Variants in CPNE4 observed in about 807,000 individuals in gnomAD.
The protein encoded by CPNE4 is copine 4.
CPNE4 carries 25 observed loss-of-function variants against 67.9 expected under a neutral mutation model. The ratio of observed to expected loss-of-function variants is 0.37; its 90% confidence interval spans 0.27 to 0.51. The LOEUF is 0.51. Among genes scored for constraint, CPNE4 ranks in the 20% least tolerant of loss-of-function variants. CPNE4 has a pLI of 0.93. For missense variants in CPNE4, 464 were observed against 690.8 expected, an observed-to-expected ratio of 0.67 and a Z score of 3.68; for synonymous variants, 242 against 244.9, an observed-to-expected ratio of 0.99 and a Z score of 0.11.
intron 1 of CPNE4, among the ~76,000 whole-genome samples, chr3:131,955,700 C>A (rs1162283769): frequency 6.6e-6 from 1 of 152,084 alleles, no homozygotes; most frequent in Non-Finnish European, 1.5e-5. Context: ...TTTCCTCTTA[C>A]AAACCTTTTA....
chr3:131,868,257 A>C (rs764555745), intron 2 of CPNE4, among the ~76,000 whole-genome samples: 3 of 152,176 alleles, frequency 2.0e-5, no homozygotes, highest in Non-Finnish European at 2.9e-5. Flanking sequence ...CCCCTACCAC[A>C]GTTAGGCGTG....
intron 1 of CPNE4, among the ~76,000 whole-genome samples, chr3:131,970,550 A>T (rs940117957): frequency 4.6e-5 from 7 of 152,174 alleles, no homozygotes; most frequent in Non-Finnish European, 8.8e-5. Context: ...CATATAATTT[A>T]TATAGTTTTT....
chr3:131,800,299 G>A (rs1243120184), intron 2 of CPNE4, among the ~76,000 whole-genome samples: 2 of 152,084 alleles, frequency 1.3e-5, no homozygotes, highest in African/African-American at 4.8e-5. Context: ...CTGAGATTGT[G>A]TTGCAGTTCT....
At chr3:131,882,242 T>C (rs1345444773) in intron 2 of CPNE4, among the ~76,000 whole-genome samples, 1 of 152,122 alleles carries the variant, frequency 6.6e-6, no homozygotes, top group Non-Finnish European at 1.5e-5. Flanking sequence ...GTATTTTATA[T>C]GTGTCATATT....
Position 131,937,520 on chromosome 3 carries a change from G to A in CPNE4, c.-1-32076C>T, listed in dbSNP as rs568500388. Among the ~76,000 whole-genome samples, 6 of 152,236 alleles carry A rather than the reference G, an allele frequency of 3.9e-5. 1 individual carries two copies. The highest frequency in any genetic ancestry group is 7.2e-5 in the African/African-American group (3 of 41,556). ...GGAGTCTTTCTTGAGAAAAATACTA[G>A]AGGACAATTATGAGATGACTGAGGA... On this transcript the variant is annotated intron_variant, in intron 1 of 15. Coordinates refer to ENST00000429747, the MANE Select transcript of CPNE4 (RefSeq NM_130808.3).
chr3:131,545,839 G>C (rs140393013), intron 14 of CPNE4, among the ~76,000 whole-genome samples: 1 of 152,278 alleles, frequency 6.6e-6, no homozygotes, highest in Non-Finnish European at 1.5e-5. Flanking sequence ...CTAGGTGGGC[G>C]GATCATGAGG....
intron 7 of CPNE4, among the ~76,000 whole-genome samples, chr3:131,598,446 T>G (rs1399031726): frequency 1.3e-5 from 2 of 152,250 alleles, no homozygotes; most frequent in Non-Finnish European, 2.9e-5. Context: ...CTTTGTTTTC[T>G]TTTGTTAGGT....
At chr3:131,982,812 T>C (rs750815443) in intron 1 of CPNE4, among the ~76,000 whole-genome samples, 7 of 152,074 alleles carry the variant, frequency 4.6e-5, no homozygotes, top group Admixed American at 6.6e-5. Context: ...AATTGGCTTA[T>C]AATAAGGAAA....
intron 7 of CPNE4, among the ~76,000 whole-genome samples, chr3:131,668,709 GACA>G (rs1218671899): frequency 1.3e-5 from 2 of 152,088 alleles, no homozygotes; most frequent in Non-Finnish European, 2.9e-5. Context: ...CCGGGCCATT[GACA>G]ACAAGGAACG....
At position 131,715,513 on chromosome 3, in the gene CPNE4, T is replaced by C. The variant is rs1353963144; in HGVS notation, c.360+7933A>G. On this transcript the variant is annotated intron_variant, in intron 3 of 15. Coordinates refer to ENST00000429747, the MANE Select transcript of CPNE4 (RefSeq NM_130808.3). ...AGATCGACAACTTGCTGTGTGACCT[T>C]GGATAACTTACTGAGCTTTACTCAG... Among the ~76,000 whole-genome samples, 4 of 152,206 alleles carry C rather than the reference T, an allele frequency of 2.6e-5. 1 individual carries two copies. Among genetic ancestry groups the C allele is most frequent in the Non-Finnish European group, 5.9e-5 (4 of 68,026 alleles).
chr3:131,590,634 C>G (rs546350858), intron 7 of CPNE4, among the ~76,000 whole-genome samples: 2 of 151,962 alleles, frequency 1.3e-5, no homozygotes, highest in Non-Finnish European at 2.9e-5. Context: ...GAAGTATTTT[C>G]CAATAAACCT....
intron 7 of CPNE4, among the ~76,000 whole-genome samples, chr3:131,668,464 T>G (rs1323649935): frequency 6.6e-6 from 1 of 152,176 alleles, no homozygotes; most frequent in Non-Finnish European, 1.5e-5. Flanking sequence ...CTCCTGGTTT[T>G]CAGAGTCTGA....
At chr3:131,715,218 T>C (rs2081653846) in intron 3 of CPNE4, among the ~76,000 whole-genome samples, 1 of 152,210 alleles carries the variant, frequency 6.6e-6, no homozygotes, top group Non-Finnish European at 1.5e-5. Flanking sequence ...ACTGCCATTT[T>C]TTAAGAAGCC....
At chr3:132,020,335 T>C (rs1322157917) in intron 1 of CPNE4, among the ~76,000 whole-genome samples, 1 of 152,208 alleles carries the variant, frequency 6.6e-6, no homozygotes, top group Non-Finnish European at 1.5e-5. Flanking sequence ...CCTGGGATTC[T>C]GATGTGGAGG....
chr3:131,547,455 C>CAAAAAAAAAAAAAAAAAAA lies in CPNE4; in HGVS notation c.1302+2473_1302+2491dup, dbSNP rs56412825. On this transcript the variant is annotated intron_variant, in intron 14 of 15. Coordinates refer to ENST00000429747, the MANE Select transcript of CPNE4 (RefSeq NM_130808.3). ...TGGGTGATAGACCAAGACCCTGTCG[C>CAAAAAAAAAAAAAAAAAAA]AAAAAAAAAAAAAAAAAAAAAAAAA... is the stretch of plus-strand genomic sequence containing the variant. Among the ~76,000 whole-genome samples the CAAAAAAAAAAAAAAAAAAA allele has an allele frequency of 4.4e-4, 16 of 36,524 alleles. 8 individuals carry two copies. The highest frequency in any genetic ancestry group is 8.6e-4 in the African/African-American group (10 of 11,662). 24.0% of individuals were successfully genotyped at this position (36,524 alleles called of 152,430 possible). A position where few individuals can be genotyped will look rare whatever the true frequency, so the allele number is the denominator to read the frequency against.
intron 2 of CPNE4, among the ~76,000 whole-genome samples, chr3:131,768,468 A>C (rs968924544): frequency 6.6e-6 from 1 of 152,132 alleles, no homozygotes; most frequent in Non-Finnish European, 1.5e-5. Flanking sequence ...CTTTCCATCC[A>C]GTGCTGTTTT....
intron 2 of CPNE4, among the ~76,000 whole-genome samples, chr3:131,811,388 A>T (rs2084521488): frequency 6.6e-6 from 1 of 152,112 alleles, no homozygotes; most frequent in South Asian, 2.1e-4. Flanking sequence ...TAAAAAATAT[A>T]TATATATAAA....
intron 8 of CPNE4, 57 bp downstream of exon 8, chr3:131,587,427 G>T: frequency 1.8e-6 from 2 of 1,081,264 alleles, no homozygotes; most frequent in Non-Finnish European, 2.9e-6. Flanking sequence ...TGGTAGCTGT[G>T]TTCTAAGGAT....
intron 10 of CPNE4, among the ~76,000 whole-genome samples, chr3:131,566,991 G>A (rs1345063195): frequency 6.6e-6 from 1 of 151,836 alleles, no homozygotes. Flanking sequence ...AACACCTTGT[G>A]GCCCACCTCA....
Sources: allele counts gnomAD v4.1 joint callset (sites outside exome capture counted in the v4.1 genomes callset), GRCh38; gene constraint gnomAD v4.1.1; transcripts MANE v1.5; gene names NCBI Gene and HGNC (gene_info 2026-07-23, HGNC 2026-07-21).